FZD3: variants seen among roughly 807,000 people sequenced by gnomAD.
FZD3 encodes the protein frizzled class receptor 3.
FZD3 carries 30 observed loss-of-function variants against 60.7 expected under a neutral mutation model. The ratio of observed to expected loss-of-function variants is 0.49; its 90% CI spans 0.37 to 0.67. FZD3 has a LOEUF of 0.67. FZD3 is among the 30% of genes least tolerant of loss of function. FZD3 has a pLI of 0.00. For synonymous variants in FZD3, 246 were observed against 275.2 expected, an observed-to-expected ratio of 0.89 and a Z score of 1.05; for missense variants, 605 against 838.7, an observed-to-expected ratio of 0.72 and a Z score of 3.44.
rs1805677704 is a variant in FZD3 at position 28,564,795 on chromosome 8, A to G, written c.*1784A>G. ...AAGAGGCCTGGCTCTGCCTTATGCT[A>G]TTATAGTTTATGACCTTTAACAATT... On this transcript the variant is annotated 3_prime_UTR_variant, in exon 8 of 8. Transcript: ENST00000240093. 1 of 152,188 alleles carries G rather than the reference A, an allele frequency of 6.6e-6. No individual in the cohort carries two copies. The highest frequency in any genetic ancestry group is 6.5e-5 in the Admixed American group (1 of 15,272). The allele number at this position is 152,188 out of a possible 1,614,324, so 9.4% of individuals were successfully genotyped here.
At chr8:28,548,215 C>G (rs1034660454) in intron 5 of FZD3, among the ~76,000 whole-genome samples, 1 of 97,320 alleles carries the variant, frequency 1.0e-5, no homozygotes, top group Non-Finnish European at 2.1e-5. Context: ...CTCTCCATCT[C>G]TCTCCTTGAA....
intron 7 of FZD3, among the ~76,000 whole-genome samples, chr8:28,561,401 G>A (rs909518288): frequency 2.0e-5 from 3 of 152,100 alleles, no homozygotes; most frequent in Non-Finnish European, 4.4e-5. Flanking sequence ...GACTTCTCAA[G>A]TTTTAAACTC....
At chr8:28,521,729 C>G (rs1421720840) in intron 4 of FZD3, among the ~76,000 whole-genome samples, 1 of 152,052 alleles carries the variant, frequency 6.6e-6, no homozygotes, top group East Asian at 1.9e-4. Flanking sequence ...TTGTATGTAT[C>G]TATCTATGTT....
In FZD3 at chr8:28,569,605, C is replaced by T. The variant is rs1199365436; in HGVS notation, c.*6594C>T. On this transcript the variant is annotated 3_prime_UTR_variant, in exon 8 of 8. Transcript: ENST00000240093. ...TTACTAGATCAACCTGTATTATTAA[C>T]GTCATTTACATGTAAATTGATGGGA... 2 of 151,640 alleles carry T rather than the reference C, an allele frequency of 1.3e-5. No individual in the cohort carries two copies. Among genetic ancestry groups the T allele is most frequent in the Non-Finnish European group, 2.9e-5 (2 of 67,918 alleles). 9.4% of individuals were successfully genotyped at this position (151,640 alleles called of 1,614,324 possible).
At chr8:28,519,621 T>G (rs1804519738) in intron 3 of FZD3, among the ~76,000 whole-genome samples, 1 of 151,550 alleles carries the variant, frequency 6.6e-6, no homozygotes, top group Non-Finnish European at 1.5e-5. Flanking sequence ...TCCCAGCTAC[T>G]CAGGAGGCTG....
At chr8:28,534,194 C>T (rs1368724167) in intron 5 of FZD3, among the ~76,000 whole-genome samples, 2 of 152,120 alleles carry the variant, frequency 1.3e-5, no homozygotes, top group Non-Finnish European at 2.9e-5. Flanking sequence ...GACCAGCGAC[C>T]TGTTTTTTTA....
chr8:28,550,569 A>C (rs920692231), intron 5 of FZD3, among the ~76,000 whole-genome samples: 2 of 139,998 alleles, frequency 1.4e-5, no homozygotes, highest in African/African-American at 5.5e-5. Flanking sequence ...TTGACTCACT[A>C]CAACCTCCAC....
At chr8:28,520,923 CT>C in intron 4 of FZD3, 89 bp downstream of exon 4, 5 of 912,732 alleles carry the variant, frequency 5.5e-6, no homozygotes, top group Admixed American at 2.8e-5. Context: ...TTTTAAAAAA[CT>C]TTTTTTGAAG....
chr8:28,567,557 C>G lies in FZD3; in HGVS notation c.*4546C>G, dbSNP rs1805726444. The stretch of plus-strand genomic sequence containing the variant: ...GGATTACAAGCATGAGCCACCATGC[C>G]TGATCCATAAATTGTTCTACTGATA... On this transcript the variant is annotated 3_prime_UTR_variant, in exon 8 of 8. Transcript: ENST00000240093. The G allele has an allele frequency of 6.6e-6, 1 of 152,200 alleles. No homozygotes were observed. The highest frequency in any genetic ancestry group is 2.4e-5 in the African/African-American group (1 of 41,424). The allele number at this position is 152,200 out of a possible 1,614,324, so 9.4% of individuals were successfully genotyped here.
chr8:28,561,341 G>A (rs532826693), intron 7 of FZD3, among the ~76,000 whole-genome samples: 1 of 152,168 alleles, frequency 6.6e-6, no homozygotes, highest in Non-Finnish European at 1.5e-5. Flanking sequence ...ACAGGCATGA[G>A]CCACTGCGCC....
intron 3 of FZD3, among the ~76,000 whole-genome samples, chr8:28,519,787 G>A (rs573326935): frequency 6.1e-5 from 9 of 148,722 alleles, no homozygotes; most frequent in East Asian, 4.0e-4. Context: ...ACCTTTCCCC[G>A]CCCTCAATGC....
chr8:28,539,020 G>C (rs12542100), intron 5 of FZD3, among the ~76,000 whole-genome samples: 1 of 151,536 alleles, frequency 6.6e-6, no homozygotes, highest in Non-Finnish European at 1.5e-5. Flanking sequence ...TTACTCTCTC[G>C]TCTCTTAAAA....
chr8:28,524,013 CT>C (rs1194897673), intron 4 of FZD3, among the ~76,000 whole-genome samples: 3 of 152,112 alleles, frequency 2.0e-5, no homozygotes, highest in African/African-American at 7.2e-5. Flanking sequence ...AAGGAGGCGC[CT>C]CCTTCCCAGA....
chr8:28,498,951 A>AT (rs1398448492), intron 1 of FZD3, among the ~76,000 whole-genome samples: 4 of 152,182 alleles, frequency 2.6e-5, no homozygotes, highest in Admixed American at 2.6e-4. Flanking sequence ...TGAAAATCAG[A>AT]TTTTGACTCT....
At chr8:28,497,009 C>CT (rs1390608981) in intron 1 of FZD3, among the ~76,000 whole-genome samples, 1 of 152,160 alleles carries the variant, frequency 6.6e-6, no homozygotes, top group East Asian at 1.9e-4. Flanking sequence ...CTATCTGTCT[C>CT]TTAACTTTCC....
intron 2 of FZD3, among the ~76,000 whole-genome samples, chr8:28,500,472 C>A (rs896571784): frequency 3.3e-5 from 5 of 152,110 alleles, no homozygotes; most frequent in African/African-American, 1.2e-4. Flanking sequence ...TGATTTGAAA[C>A]CCATACCTGC....
In FZD3 at chr8:28,567,460, T is replaced by A. The variant is rs929753711; in HGVS notation, c.*4449T>A. The A allele has an allele frequency of 4.6e-5, 7 of 152,268 alleles. No individual in the cohort carries two copies. The highest frequency in any genetic ancestry group is 1.0e-4 in the Non-Finnish European group (7 of 68,112). The allele number at this position is 152,268 out of a possible 1,614,324, so 9.4% of individuals were successfully genotyped here. Reference sequence around the variant, plus strand: ...GCACCTGGCTTAATTTTAATTTTTTTAATTTTTTGTAGAGATGAGTCTCAC... The same window carrying A: ...GCACCTGGCTTAATTTTAATTTTTTAAATTTTTTGTAGAGATGAGTCTCAC... On this transcript the variant is annotated 3_prime_UTR_variant, in exon 8 of 8. Transcript: ENST00000240093.
rs544738829 is a variant in FZD3, at chr8:28,513,654, A to G, written c.190-6984A>G. 2.0e-5 allele frequency among the ~76,000 whole-genome samples: 3 copies of G among 152,308 alleles called. No homozygotes were observed. The East Asian group carries it at 5.8e-4, about 29-fold the overall frequency. On this transcript the variant is annotated intron_variant, in intron 3 of 7. Transcript: ENST00000240093. ...AAAGGTGTCATTTTTAGTCACAGTT[A>G]TTCTGAAAAGTTGTTTTTGAATAAT... is the stretch of plus-strand genomic sequence containing the variant.
intron 1 of FZD3, among the ~76,000 whole-genome samples, chr8:28,494,564 G>A (rs937690046): frequency 2.6e-5 from 4 of 151,990 alleles, no homozygotes; most frequent in Admixed American, 2.0e-4. Flanking sequence ...CGGAGCGGGG[G>A]CCCGGGCCCG....
Sources: gnomAD v4.1 joint callset for allele counts (sites outside exome capture counted in the v4.1 genomes callset) on GRCh38, gnomAD v4.1.1 for gene constraint, MANE v1.5 for transcripts, NCBI Gene and HGNC (gene_info 2026-07-23, HGNC 2026-07-21) for gene names.